The following GPN2 variants were observed in gnomAD, a reference collection of about 807,000 sequenced individuals.
GPN2 encodes ATP-binding domain 1 family member B.
GPN2 carries 27 observed loss-of-function variants against 30.1 expected under a neutral mutation model. The ratio of observed to expected loss-of-function variants is 0.90; its 90% CI spans 0.66 to 1.24. The LOEUF (loss-of-function observed/expected upper bound fraction) is 1.24. Among genes scored for constraint, GPN2 ranks in the 50% most tolerant of loss-of-function variants. The pLI, the probability that GPN2 is intolerant of heterozygous loss-of-function variation, is 0.00. For synonymous variants in GPN2, 212 were observed against 174.4 expected (o/e 1.22, Z -1.70); for missense variants, 406 against 405.4 (o/e 1.00, Z -0.01).
At chr1:26,889,170 A>AATGCTGATCCCTGTT in intron 1 of GPN2, 45 bp from the exon 2 acceptor site, 1 of 1,500,810 alleles carries the variant, frequency 6.7e-7, no homozygotes, top group Non-Finnish European at 9.3e-7. Context: ...AGAAACAGGG[A>AATGCTGATCCCTGTT]TCAGCATTCC....
chr1:26,885,878 C>A (rs577493115), intron 3 of GPN2, 95 bp downstream of exon 3: 2 of 1,007,276 alleles, frequency 2.0e-6, no homozygotes, highest in Admixed American at 2.0e-5. Context: ...CGCGCCCAGC[C>A]GGCAAAGACC....
intron 3 of GPN2, among the ~76,000 whole-genome samples, chr1:26,885,365 G>A (rs1247491647): frequency 6.6e-6 from 1 of 152,080 alleles, no homozygotes; most frequent in Non-Finnish European, 1.5e-5. Context: ...TAAGAGACTT[G>A]TCCCTGGTCC....
intron 4 of GPN2, 107 bp from the exon 5 acceptor site, chr1:26,879,856 C>T (rs2081855974): frequency 2.7e-6 from 2 of 742,702 alleles, no homozygotes; most frequent in African/African-American, 1.7e-5. Flanking sequence ...GTCCATCCCT[C>T]TCTTCCTCAT....
chr1:26,889,601 CCT>C, intron 1 of GPN2, 83 bp downstream of exon 1: 1 of 1,330,902 alleles, frequency 7.5e-7, no homozygotes, highest in Non-Finnish European at 1.0e-6. Context: ...CCCCTACCTC[CCT>C]GTGTGACATG....
At chr1:26,882,354 AAGTCCAT>A (rs2081868714) in intron 4 of GPN2, among the ~76,000 whole-genome samples, 1 of 151,920 alleles carries the variant, frequency 6.6e-6, no homozygotes, top group African/African-American at 2.4e-5. Context: ...CAGCAAAAGA[AAGTCCAT>A]CTTAAATTTA....
intron 4 of GPN2, among the ~76,000 whole-genome samples, chr1:26,883,088 C>A (rs2081872639): frequency 1.3e-5 from 2 of 152,192 alleles, no homozygotes. Flanking sequence ...AACTCTTTTG[C>A]CCCCAATCAC....
chr1:26,887,981 C>T (rs1482750895), intron 2 of GPN2, among the ~76,000 whole-genome samples: 3 of 152,072 alleles, frequency 2.0e-5, no homozygotes, highest in African/African-American at 7.2e-5. Context: ...GCCTCAGCCT[C>T]CCGAGTAGCT....
chr1:26,886,161 C>A lies in GPN2; in HGVS notation c.569-28G>T, dbSNP rs192205161. On this transcript the variant is annotated intron_variant, in intron 2 of 4. Coordinates refer to ENST00000374135, the MANE Select transcript of GPN2 (RefSeq NM_018066.4). Reference sequence around the variant, plus strand: ...AAAGAGAGAAACCAGTGTTCAGGAGCAACCAGTATCAGGCTAAAGACCTGA... The same window carrying A: ...AAAGAGAGAAACCAGTGTTCAGGAGAAACCAGTATCAGGCTAAAGACCTGA... The A allele has an allele frequency of 3.5e-5, 55 of 1,583,632 alleles. 1 individual carries two copies. Among genetic ancestry groups the A allele is most frequent in the African/African-American group, 2.8e-4 (21 of 74,308 alleles).
chr1:26,881,535 T>C (rs2081864734), intron 4 of GPN2, among the ~76,000 whole-genome samples: 1 of 152,226 alleles, frequency 6.6e-6, no homozygotes, highest in Non-Finnish European at 1.5e-5. Flanking sequence ...ATTATTTAAA[T>C]TGCTTCTCCC....
chr1:26,885,578 C>CCTTTTT (rs1337946566), intron 3 of GPN2, among the ~76,000 whole-genome samples: 1 of 131,892 alleles, frequency 7.6e-6, no homozygotes, highest in African/African-American at 2.9e-5. Context: ...AAAGACCACT[C>CCTTTTT]TTTTTTTTTT....
In GPN2 at chr1:26,884,753, A is replaced by G. The variant is rs2081882407; in HGVS notation, c.730-463T>C. 1.3e-5 allele frequency among the ~76,000 whole-genome samples: 2 copies of G among 152,210 alleles called. 1 individual carries two copies. The highest frequency in any genetic ancestry group is 4.1e-4 in the South Asian group (2 of 4,836). ...GCCCAGCACTTTGGGAGGCCAAGGC[A>G]GGTAGATCACTTAAGGTCAGGAGTT... is the stretch of plus-strand genomic sequence containing the variant. On this transcript the variant is annotated intron_variant, in intron 3 of 4. Coordinates refer to ENST00000374135, the MANE Select transcript of GPN2 (RefSeq NM_018066.4).
chr1:26,876,933 G>C lies in GPN2; in HGVS notation c.*2744C>G, dbSNP rs1197265580. On this transcript the variant is annotated 3_prime_UTR_variant, in exon 5 of 5. Coordinates refer to ENST00000374135, the MANE Select transcript of GPN2 (RefSeq NM_018066.4). The stretch of plus-strand genomic sequence containing the variant: ...TCCAGCCCCCATTTGGTTTGTTATG[G>C]TGAGAGCTGGGGCCTCTGTGAGTGG... 1 of 151,488 alleles carries C rather than the reference G, an allele frequency of 6.6e-6. No individual in the cohort carries two copies. Among genetic ancestry groups the C allele is most frequent in the Non-Finnish European group, 1.5e-5 (1 of 67,972 alleles). The allele number at this position is 151,488 out of a possible 1,614,324, so 9.4% of individuals were successfully genotyped here.
chr1:26,886,261 T>C (rs1441674130), intron 2 of GPN2, 128 bp from the exon 3 acceptor site: 2 of 666,234 alleles, frequency 3.0e-6, no homozygotes, highest in African/African-American at 1.8e-5. Context: ...TAAAATGAAG[T>C]TACTAAGAAA....
At chr1:26,885,168 T>C (rs1192123906) in intron 3 of GPN2, among the ~76,000 whole-genome samples, 1 of 152,064 alleles carries the variant, frequency 6.6e-6, no homozygotes, top group Non-Finnish European at 1.5e-5. Flanking sequence ...ATAGAGTTCA[T>C]CTCCTCATAT....
In GPN2 at chr1:26,889,064, A is replaced by C. The variant is rs2081906069; in HGVS notation, c.473T>G (p.Val158Gly). 1 of 1,613,724 alleles carries C rather than the reference A, an allele frequency of 6.2e-7. No individual in the cohort carries two copies. Residue 158 changes from valine to glycine, a missense_variant, in exon 2 of 5, where the codon GTA (valine) becomes GGA (glycine). Physicochemically the swap from Val to Gly is moderately radical, Grantham distance 109 (BLOSUM62 -3). Transcript: ENST00000374135. Reference sequence around the variant, plus strand: ...CATGGTGGCCAGGGAGGTACACAGTACTGAAATGAACTTGGCAGGGTCTGT... The same window carrying C: ...CATGGTGGCCAGGGAGGTACACAGTCCTGAAATGAACTTGGCAGGGTCTGT... ...YCTDPAKFIS[V>G]LCTSLATMLH...
rs1422917421 is a variant in GPN2, at chr1:26,890,098, G to A, written c.-2C>T. The stretch of plus-strand genomic sequence containing the variant: ...CGTGGTCGGAGCGGCCCCTGCCATT[G>A]GCGGCCCGCGGCCCGGAGCAGGTCA... On this transcript the variant is annotated 5_prime_UTR_variant, in exon 1 of 5. Transcript: ENST00000374135. The A allele has an allele frequency of 7.2e-6, 11 of 1,518,238 alleles. No homozygotes were observed. Among genetic ancestry groups the A allele is most frequent in the East Asian group, 2.3e-5 (1 of 42,882 alleles). 94.0% of individuals were successfully genotyped at this position (1,518,238 alleles called of 1,614,324 possible). A position where few individuals can be genotyped will look rare whatever the true frequency, so the allele number is the denominator to read the frequency against.
chr1:26,890,093 C>G lies in GPN2; in HGVS notation c.4G>C (p.Ala2Pro), dbSNP rs1430612749. The change falls in exon 1 of 5, where the codon GCA becomes CCA. Residue 2 changes from alanine to proline, a missense_variant. By Grantham distance (27) the Ala-to-Pro change is conservative. Coordinates refer to ENST00000374135, the MANE Select transcript of GPN2 (RefSeq NM_018066.4). M[A>P]GAAPTTAFGQ... ...AAGGCCGTGGTCGGAGCGGCCCCTGCCATTGGCGGCCCGCGGCCCGGAGCA... is the reference window on the plus strand; with the variant it reads ...AAGGCCGTGGTCGGAGCGGCCCCTGGCATTGGCGGCCCGCGGCCCGGAGCA... 6.6e-7 allele frequency: 1 copy of G among 1,523,206 alleles called. No individual in the cohort carries two copies. The highest frequency in any genetic ancestry group is 1.2e-5 in the South Asian group (1 of 80,572). 94.4% of individuals were successfully genotyped at this position (1,523,206 alleles called of 1,614,324 possible).
At position 26,886,105 on chromosome 1, in the gene GPN2, A is replaced by G. The variant is rs757716190; in HGVS notation, c.597T>C (p.Val199=). The part of the protein sequence containing the change: ...LAFNLDYYTE[V]LDLSYLLDHL... ...GGTCAAGCAGGTAGGAGAGGTCCAG[A>G]ACCTCTGTGTAGTAGTCCAGGTTGA... The change falls in exon 3 of 5, where the codon GTT becomes GTC. Residue 199 remains valine, a synonymous_variant. Coordinates refer to ENST00000374135, the MANE Select transcript of GPN2 (RefSeq NM_018066.4). 1.9e-6 allele frequency: 3 copies of G among 1,613,304 alleles called. No homozygotes were observed. Among genetic ancestry groups the G allele is most frequent in the Non-Finnish European group, 2.5e-6 (3 of 1,179,244 alleles).
chr1:26,885,281 G>A (rs1266280639), intron 3 of GPN2, among the ~76,000 whole-genome samples: 1 of 152,186 alleles, frequency 6.6e-6, no homozygotes, highest in Non-Finnish European at 1.5e-5. Context: ...TATCTCTGCA[G>A]GGTAAAGGTG....
Sources: allele counts gnomAD v4.1 joint callset (sites outside exome capture counted in the v4.1 genomes callset), GRCh38; gene constraint gnomAD v4.1.1; transcripts MANE v1.5; gene names NCBI Gene and HGNC (gene_info 2026-07-23, HGNC 2026-07-21).